Variants in SDHB observed in about 807,000 individuals in gnomAD.
SDHB encodes succinate dehydrogenase [ubiquinone] iron-sulfur subunit, mitochondrial.
A neutral mutation model predicts 39.7 loss-of-function variants in SDHB; 21 were observed. The observed-to-expected ratio is 0.53, with a 90% confidence interval of 0.37 to 0.76. SDHB has a LOEUF of 0.76. SDHB is among the 30% of genes least tolerant of loss of function. SDHB has a pLI of 0.00. For missense variants in SDHB, 343 were observed against 350.9 expected (o/e 0.98, Z 0.18); for synonymous variants, 118 against 117.0 (o/e 1.01, Z -0.06).
In SDHB at chr1:17,053,990, C is replaced by A. The variant is rs1024111417; in HGVS notation, c.30G>T (p.Arg10Ser). The part of the protein sequence containing the change: MAAVVALSL[R>S]RRLPATTLGG... The stretch of plus-strand genomic sequence containing the variant: ...CAAGGGTTGTGGCCGGCAACCGGCG[C>A]CTCAAGGAGAGGGCGACCACCGCCG... The change falls in exon 1 of 8, where the codon AGG becomes AGT. Residue 10 changes from arginine (R) to serine (S), a missense_variant. Physicochemically the swap from Arg to Ser is moderately radical, Grantham distance 110 (BLOSUM62 -1). Transcript: ENST00000375499. 1 of 1,612,978 alleles carries A rather than the reference C, an allele frequency of 6.2e-7. No individual in the cohort carries two copies. Among genetic ancestry groups the A allele is most frequent in the Non-Finnish European group, 8.5e-7 (1 of 1,179,672 alleles).
chr1:17,053,612 G>A (rs917360104), intron 1 of SDHB, among the ~76,000 whole-genome samples: 3 of 152,006 alleles, frequency 2.0e-5, no homozygotes, highest in African/African-American at 7.3e-5. Context: ...AAAGGGCTTG[G>A]AACTCCAATG....
intron 7 of SDHB, among the ~76,000 whole-genome samples, chr1:17,021,278 T>G (rs1351456846): frequency 1.3e-5 from 2 of 152,214 alleles, no homozygotes; most frequent in Non-Finnish European, 2.9e-5. Context: ...AGTAAGTTCC[T>G]GATAAAAGGA....
chr1:17,022,037 T>G (rs1467100773), intron 7 of SDHB, among the ~76,000 whole-genome samples: 1 of 152,102 alleles, frequency 6.6e-6, no homozygotes, highest in Admixed American at 6.6e-5. Flanking sequence ...CTCAGGAAAC[T>G]GTGCTGAGAA....
chr1:17,048,075 G>A (rs2078123723), intron 1 of SDHB, among the ~76,000 whole-genome samples: 1 of 152,134 alleles, frequency 6.6e-6, no homozygotes, highest in African/African-American at 2.4e-5. Flanking sequence ...CAAGATAGGG[G>A]ACATTCCCAT....
intron 7 of SDHB, among the ~76,000 whole-genome samples, chr1:17,022,258 A>G (rs566262223): frequency 6.6e-6 from 1 of 152,316 alleles, no homozygotes; most frequent in East Asian, 1.9e-4. Context: ...AAAGATGGAG[A>G]AGAAATGAAG....
intron 2 of SDHB, among the ~76,000 whole-genome samples, chr1:17,035,065 C>T: frequency 6.6e-6 from 1 of 152,100 alleles, no homozygotes; most frequent in East Asian, 1.9e-4. Flanking sequence ...TTTTCATGAT[C>T]TGAGGCTCTT....
At chr1:17,044,723 A>ACT in intron 2 of SDHB, 38 bp downstream of exon 2, 1 of 1,607,776 alleles carries the variant, frequency 6.2e-7, no homozygotes, top group Non-Finnish European at 8.5e-7. Flanking sequence ...CAAATCAAGA[A>ACT]CTCTCCTTCA....
At chr1:17,027,516 C>G in intron 5 of SDHB, 1 of 530,898 alleles carries the variant, frequency 1.9e-6, no homozygotes. Flanking sequence ...CAGCAACCAC[C>G]CGCCCCTGCA....
At chr1:17,048,455 A>G (rs1229376569) in intron 1 of SDHB, among the ~76,000 whole-genome samples, 1 of 121,062 alleles carries the variant, frequency 8.3e-6, no homozygotes, top group Non-Finnish European at 2.1e-5. Flanking sequence ...ACATTTGTGG[A>G]CAAATTTCTG....
At chr1:17,023,015 A>C (rs2077970817) in intron 6 of SDHB, 2 of 398,362 alleles carry the variant, frequency 5.0e-6, no homozygotes, top group Non-Finnish European at 9.6e-6. Context: ...ACATTGCTCA[A>C]TAGCTTCCTA....
intron 1 of SDHB, among the ~76,000 whole-genome samples, chr1:17,053,323 A>G (rs1037146025): frequency 5.7e-4 from 86 of 152,144 alleles, no homozygotes; most frequent in African/African-American, 2.0e-3. Context: ...AGAAACACTG[A>G]GAGGATACTA....
At chr1:17,032,798 G>A (rs141813843) in intron 3 of SDHB, 1 of 519,814 alleles carries the variant, frequency 1.9e-6, no homozygotes, top group African/African-American at 1.9e-5. Context: ...AGGCCTTGAA[G>A]CGTGGAGCAG....
intron 1 of SDHB, among the ~76,000 whole-genome samples, chr1:17,052,984 C>T (rs1421418608): frequency 6.6e-6 from 1 of 152,092 alleles, no homozygotes; most frequent in Non-Finnish European, 1.5e-5. Context: ...TTCTGGGGGC[C>T]TCAAGTTTTC....
intron 5 of SDHB, among the ~76,000 whole-genome samples, chr1:17,024,679 C>T (rs1329083455): frequency 2.0e-5 from 3 of 152,302 alleles, no homozygotes; most frequent in Admixed American, 6.5e-5. Context: ...TGCCCAGGGA[C>T]GTGCCACTAT....
At position 17,046,896 on chromosome 1, in the gene SDHB, TAGTAGAG is replaced by T. The variant is rs140894302; in HGVS notation, c.73-2015_73-2009del. 8.9e-3 allele frequency among the ~76,000 whole-genome samples: 1,348 copies of T among 152,194 alleles called. 23 individuals carry two copies. The highest frequency in any genetic ancestry group is 0.031 in the African/African-American group (1,300 of 41,522). ...CCAGGCCCGGCTAATTTTGTATTTT[TAGTAGAG>T]ATGTGGTTTGTCTATGTTGGTCAGG... On this transcript the variant is annotated intron_variant, in intron 1 of 7. Coordinates refer to ENST00000375499, the MANE Select transcript of SDHB (RefSeq NM_003000.3).
chr1:17,022,786 C>G, intron 6 of SDHB, 56 bp from the exon 7 acceptor site: 1 of 1,583,528 alleles, frequency 6.3e-7, no homozygotes, highest in South Asian at 1.1e-5. Flanking sequence ...GAGCGGCACC[C>G]TGGCTCAACT....
chr1:17,024,163 T>G, intron 5 of SDHB, 89 bp from the exon 6 acceptor site: 1 of 912,510 alleles, frequency 1.1e-6, no homozygotes, highest in African/African-American at 1.6e-5. Flanking sequence ...TTGGGGTCAG[T>G]GCATGAACAA....
chr1:17,020,015 T>C (rs766724497), intron 7 of SDHB, among the ~76,000 whole-genome samples: 51 of 152,144 alleles, frequency 3.4e-4, no homozygotes, highest in Non-Finnish European at 7.2e-4. Context: ...GGTGAAAAAA[T>C]ACAGATAAAT....
At chr1:17,028,776 C>T (rs202204566) in intron 3 of SDHB, 40 bp from the exon 4 acceptor site, 38 of 1,609,594 alleles carry the variant, frequency 2.4e-5, no homozygotes, top group Admixed American at 1.8e-4. Flanking sequence ...CACCCATATC[C>T]GGAATCAGTC....
Sources: allele counts gnomAD v4.1 joint callset (sites outside exome capture counted in the v4.1 genomes callset), GRCh38; gene constraint gnomAD v4.1.1; transcripts MANE v1.5; gene names NCBI Gene and HGNC (gene_info 2026-07-23, HGNC 2026-07-21).